ASTN2: variants seen among roughly 807,000 people sequenced by gnomAD.
ASTN2 encodes the protein astrotactin-2.
Under a neutral mutation model 139.8 loss-of-function variants are expected in ASTN2, and 54 were observed. The ratio of observed to expected loss-of-function variants is 0.39; its 90% confidence interval spans 0.31 to 0.48. The LOEUF (loss-of-function observed/expected upper bound fraction) is 0.48. Among genes scored for constraint, ASTN2 ranks in the 20% least tolerant of loss-of-function variants. The pLI is 0.95. For synonymous variants in ASTN2, 756 were observed against 719.5 expected, an observed-to-expected ratio of 1.05 and a Z score of -0.81; for missense variants, 1,565 against 1,725.1, an observed-to-expected ratio of 0.91 and a Z score of 1.64.
intron 19 of ASTN2, among the ~76,000 whole-genome samples, chr9:116,544,493 C>T (rs1292797081): frequency 1.3e-5 from 2 of 152,172 alleles, no homozygotes; most frequent in Non-Finnish European, 2.9e-5. Context: ...CAGTTATTTG[C>T]TATGTTTCCC....
Position 117,413,028 on chromosome 9 carries a change from G to T in ASTN2, c.442+1469C>A, listed in dbSNP as rs192935306. 2.9e-3 allele frequency among the ~76,000 whole-genome samples: 435 copies of T among 152,292 alleles called. 5 individuals carry two copies. The highest frequency in any genetic ancestry group is 0.024 in the Admixed American group (368 of 15,302). On this transcript the variant is annotated intron_variant, in intron 1 of 22. Coordinates refer to ENST00000313400, the MANE Select transcript of ASTN2 (RefSeq NM_001365068.1). ...GGAGTCCCCGAGGAACCTGCAGGAC[G>T]CTCCGCTGCCTCTCCTCCCGGAACG...
chr9:116,800,332 G>A (rs539991513), intron 13 of ASTN2, among the ~76,000 whole-genome samples: 12 of 152,114 alleles, frequency 7.9e-5, no homozygotes, highest in East Asian at 5.8e-4. Flanking sequence ...GCCTCTGCTC[G>A]GTCTGACTGA....
rs2131821669 is a variant in ASTN2 at position 116,618,182 on chromosome 9, T to G, written c.3355+142A>C. On this transcript the variant is annotated intron_variant, in intron 19 of 22. Coordinates refer to ENST00000313400, the MANE Select transcript of ASTN2 (RefSeq NM_001365068.1). ...ATTCATACAAAACAGCACACAAGGA[T>G]GGACAGCGAAAAATCACTAAACAAT... 4.6e-6 allele frequency: 4 copies of G among 865,030 alleles called. No homozygotes were observed. In the South Asian group the frequency reaches 8.5e-5, roughly 18 times the overall value. The allele number at this position is 865,030 out of a possible 1,614,324, so 53.6% of individuals were successfully genotyped here.
intron 16 of ASTN2, chr9:116,686,614 C>G: frequency 7.2e-7 from 1 of 1,391,938 alleles, no homozygotes; most frequent in South Asian, 1.2e-5. Context: ...TCCCTCAAAT[C>G]TCAGGCCAGA....
chr9:116,930,665 G>C (rs2132450515), intron 10 of ASTN2, among the ~76,000 whole-genome samples: 1 of 152,234 alleles, frequency 6.6e-6, no homozygotes, highest in East Asian at 1.9e-4. Context: ...CTGGGACAAA[G>C]CAAAAGCTCA....
intron 13 of ASTN2, among the ~76,000 whole-genome samples, chr9:116,791,060 AGAAG>A (rs1256581051): frequency 2.6e-5 from 4 of 151,918 alleles, no homozygotes; most frequent in South Asian, 2.1e-4. Flanking sequence ...AAAGAAAGAA[AGAAG>A]GAAAGGTCTC....
At chr9:116,765,972 G>A (rs1056104768) in intron 13 of ASTN2, among the ~76,000 whole-genome samples, 6 of 151,960 alleles carry the variant, frequency 3.9e-5, no homozygotes, top group Admixed American at 2.0e-4. Flanking sequence ...TGTGGCCTTG[G>A]GCAAATAATT....
intron 16 of ASTN2, among the ~76,000 whole-genome samples, chr9:116,675,125 G>A (rs116680002): frequency 3.3e-4 from 50 of 152,272 alleles, no homozygotes; most frequent in African/African-American, 1.1e-3. Flanking sequence ...GGATCCAGAG[G>A]CCAGCCCAAG....
intron 13 of ASTN2, among the ~76,000 whole-genome samples, chr9:116,801,300 C>T (rs1292355008): frequency 2.6e-5 from 4 of 152,124 alleles, no homozygotes; most frequent in African/African-American, 7.2e-5. Flanking sequence ...GATAAATTTA[C>T]GGCTGGGCGG....
intron 17 of ASTN2, among the ~76,000 whole-genome samples, chr9:116,623,645 AG>A (rs2131838027): frequency 6.6e-6 from 1 of 152,314 alleles, no homozygotes; most frequent in South Asian, 2.1e-4. Flanking sequence ...CAGAGATGCT[AG>A]TTTGCTGGAC....
chr9:116,654,379 G>C (rs367756095), intron 16 of ASTN2, among the ~76,000 whole-genome samples: 2 of 152,184 alleles, frequency 1.3e-5, no homozygotes, highest in African/African-American at 4.8e-5. Flanking sequence ...TCTTGACCTA[G>C]TTTACAGGTG....
At chr9:117,151,519 T>C (rs1266288193) in intron 3 of ASTN2, among the ~76,000 whole-genome samples, 1 of 152,108 alleles carries the variant, frequency 6.6e-6, no homozygotes, top group Non-Finnish European at 1.5e-5. Context: ...GAGGTAAAGA[T>C]AATGAAAACA....
At chr9:116,791,049 AAAAG>A (rs1226610197) in intron 13 of ASTN2, among the ~76,000 whole-genome samples, 21 of 149,426 alleles carry the variant, frequency 1.4e-4, no homozygotes, top group East Asian at 5.9e-4. Flanking sequence ...GAAAGAAAAG[AAAAG>A]AAAGAAAGAA....
chr9:116,790,980 AAAGAAAG>A (rs1830525571), intron 13 of ASTN2, among the ~76,000 whole-genome samples: 1 of 80,456 alleles, frequency 1.2e-5, no homozygotes, highest in Non-Finnish European at 2.6e-5. Context: ...AGAAAGAAAG[AAAGAAAG>A]AAAGAAAGAA....
intron 5 of ASTN2, among the ~76,000 whole-genome samples, chr9:117,053,421 C>T (rs1013306029): frequency 2.6e-5 from 4 of 151,932 alleles, no homozygotes; most frequent in Non-Finnish European, 5.9e-5. Context: ...CACTGTACTC[C>T]AGCCTGGGTG....
intron 5 of ASTN2, among the ~76,000 whole-genome samples, chr9:117,056,016 C>G (rs1474132421): frequency 6.6e-6 from 1 of 152,224 alleles, no homozygotes; most frequent in Admixed American, 6.5e-5. Flanking sequence ...ATGAGAAGAG[C>G]TGAGGATGGC....
intron 10 of ASTN2, among the ~76,000 whole-genome samples, chr9:116,911,474 T>C (rs1834308165): frequency 6.6e-6 from 1 of 152,216 alleles, no homozygotes; most frequent in Non-Finnish European, 1.5e-5. Flanking sequence ...GATTGGACTC[T>C]GGAACAGAAA....
intron 3 of ASTN2, among the ~76,000 whole-genome samples, chr9:117,147,437 A>AG: frequency 1.4e-5 from 1 of 72,372 alleles, no homozygotes; most frequent in Non-Finnish European, 3.1e-5. Context: ...CTCTGACTCA[A>AG]AACACACACA....
intron 3 of ASTN2, among the ~76,000 whole-genome samples, chr9:117,163,800 C>T (rs1362229801): frequency 6.6e-6 from 1 of 151,950 alleles, no homozygotes; most frequent in Non-Finnish European, 1.5e-5. Flanking sequence ...AGTACTTTTG[C>T]TATATATTCC....
Sources: gnomAD v4.1 joint callset for allele counts (sites outside exome capture counted in the v4.1 genomes callset) on GRCh38, gnomAD v4.1.1 for gene constraint, MANE v1.5 for transcripts, NCBI Gene and HGNC (gene_info 2026-07-23, HGNC 2026-07-21) for gene names.